KIF2A: variants seen among roughly 807,000 people sequenced by gnomAD.
KIF2A encodes kinesin-like protein KIF2A.
Under a neutral mutation model 100.2 loss-of-function variants are expected in KIF2A, and 22 were observed. The observed-to-expected ratio is 0.22, with a 90% confidence interval of 0.16 to 0.31. The LOEUF is 0.31. Among genes scored for constraint, KIF2A ranks in the 10% least tolerant of loss-of-function variants. The pLI is 1.00. For synonymous variants in KIF2A, 268 were observed against 285.9 expected (o/e 0.94, Z 0.63); for missense variants, 495 against 898.7 (o/e 0.55, Z 5.74).
chr5:62,327,147 C>A (rs1746417051), intron 1 of KIF2A, among the ~76,000 whole-genome samples: 1 of 152,144 alleles, frequency 6.6e-6, no homozygotes, highest in Admixed American at 6.5e-5. Flanking sequence ...ATCTCCTTTG[C>A]TGGTATCTCA....
chr5:62,338,650 T>G (rs1747105646), intron 1 of KIF2A, among the ~76,000 whole-genome samples: 1 of 151,900 alleles, frequency 6.6e-6, no homozygotes. Flanking sequence ...TAGGAAAAAT[T>G]TCATAGCATA....
intron 20 of KIF2A, among the ~76,000 whole-genome samples, chr5:62,384,695 G>T (rs1233115923): frequency 1.3e-5 from 2 of 152,124 alleles, no homozygotes; most frequent in Non-Finnish European, 2.9e-5. Flanking sequence ...GTTTTTACAT[G>T]ACTCTAGAGC....
At chr5:62,337,624 G>T (rs927943329) in intron 1 of KIF2A, among the ~76,000 whole-genome samples, 3 of 152,092 alleles carry the variant, frequency 2.0e-5, no homozygotes, top group Admixed American at 6.5e-5. Flanking sequence ...CTTGAGACCA[G>T]AAGTTAAAGA....
At chr5:62,347,503 C>G (rs1747630414) in intron 2 of KIF2A, among the ~76,000 whole-genome samples, 1 of 152,030 alleles carries the variant, frequency 6.6e-6, no homozygotes, top group Non-Finnish European at 1.5e-5. Context: ...TTATGTGGTT[C>G]TATTGGTCAC....
chr5:62,375,949 A>G (rs940216819), intron 18 of KIF2A, among the ~76,000 whole-genome samples: 1 of 152,102 alleles, frequency 6.6e-6, no homozygotes, highest in Non-Finnish European at 1.5e-5. Flanking sequence ...AAAAACTAAA[A>G]ATGAGATTCT....
At chr5:62,312,269 A>G (rs985861265) in intron 1 of KIF2A, among the ~76,000 whole-genome samples, 1 of 152,222 alleles carries the variant, frequency 6.6e-6, no homozygotes, top group Non-Finnish European at 1.5e-5. Context: ...AACTTGTTTT[A>G]TGTGTCATGA....
Position 62,363,283 on chromosome 5 carries a change from G to A in KIF2A, c.1225G>A (p.Asp409Asn), listed in dbSNP as rs371821790. Residue 409 changes from aspartate to asparagine, a missense_variant, in exon 13 of 21, where the codon GAT (aspartate) becomes AAT (asparagine). Physicochemically the swap from Asp to Asn is conservative, Grantham distance 23. Coordinates refer to ENST00000407818, the MANE Select transcript of KIF2A (RefSeq NM_001098511.3). ...LQEREVKCVE[D>N]VLKLIDIGNS... ...GGAACGGGAGGTCAAATGTGTTGAAGATGTACTGAAACTCATTGACATAGG... is the reference window on the plus strand; with the variant it reads ...GGAACGGGAGGTCAAATGTGTTGAAAATGTACTGAAACTCATTGACATAGG... 1.2e-6 allele frequency: 2 copies of A among 1,613,582 alleles called. No individual in the cohort carries two copies. The highest frequency in any genetic ancestry group is 2.7e-5 in the African/African-American group (2 of 74,934).
chr5:62,322,111 G>A (rs1216173774), intron 1 of KIF2A, among the ~76,000 whole-genome samples: 4 of 151,306 alleles, frequency 2.6e-5, no homozygotes, highest in Non-Finnish European at 5.9e-5. Context: ...GATTGGGGTA[G>A]GGGAGAGACA....
chr5:62,361,708 T>C (rs555376952), intron 11 of KIF2A, among the ~76,000 whole-genome samples, 179 bp downstream of exon 11: 1 of 48,858 alleles, frequency 2.0e-5, no homozygotes, highest in African/African-American at 1.8e-4. Context: ...TTCACAATAA[T>C]TTTTTTTTTT....
intron 9 of KIF2A, among the ~76,000 whole-genome samples, chr5:62,360,867 A>T (rs1437144172): frequency 6.6e-6 from 1 of 152,170 alleles, no homozygotes; most frequent in African/African-American, 2.4e-5. Context: ...TAGATGGTCT[A>T]TAGATAATAT....
At chr5:62,364,671 T>C (rs1740984106) in intron 14 of KIF2A, among the ~76,000 whole-genome samples, 1 of 152,224 alleles carries the variant, frequency 6.6e-6, no homozygotes, top group Non-Finnish European at 1.5e-5. Flanking sequence ...TTTACAGTTA[T>C]CCTACTGCCT....
At chr5:62,364,435 C>T (rs140451359) in intron 14 of KIF2A, among the ~76,000 whole-genome samples, 2,495 of 152,174 alleles carry the variant, frequency 0.016, 60 homozygotes, top group African/African-American at 0.057. Flanking sequence ...CGTGAGCCAC[C>T]GCGCCCGGCC....
At chr5:62,350,014 C>CAT in intron 3 of KIF2A, 52 bp from the exon 4 acceptor site, 1 of 1,160,602 alleles carries the variant, frequency 8.6e-7, no homozygotes, top group Non-Finnish European at 1.2e-6. Flanking sequence ...GATCATGATA[C>CAT]ATATGAGGGA....
chr5:62,376,338 A>G (rs1265063210), intron 18 of KIF2A, among the ~76,000 whole-genome samples: 2 of 152,150 alleles, frequency 1.3e-5, no homozygotes, highest in African/African-American at 4.8e-5. Context: ...TTATTGCTAT[A>G]TTGTCTTAAC....
chr5:62,347,191 A>G lies in KIF2A; in HGVS notation c.126A>G (p.Glu42=). The G allele has an allele frequency of 1.3e-6, 2 of 1,596,392 alleles. No individual in the cohort carries two copies. Among genetic ancestry groups the G allele is most frequent in the Non-Finnish European group, 1.7e-6 (2 of 1,167,916 alleles). ...AAGATAATGAAAGTGTAACTGTTGA[A>G]TGGATAGAAAATGGAGATACAAAAG... ...LNEDNESVTV[E]WIENGDTKGK... Residue 42 remains glutamate, a synonymous_variant, in exon 2 of 21, where the codon GAA becomes GAG. Coordinates refer to ENST00000407818, the MANE Select transcript of KIF2A (RefSeq NM_001098511.3).
intron 1 of KIF2A, among the ~76,000 whole-genome samples, chr5:62,346,510 T>C (rs1467379566): frequency 6.6e-6 from 1 of 151,856 alleles, no homozygotes; most frequent in Non-Finnish European, 1.5e-5. Flanking sequence ...GAGCCCGAGG[T>C]GGGTGGATCA....
Position 62,352,901 on chromosome 5 carries a change from G to A in KIF2A, c.457+191G>A, listed in dbSNP as rs10939938. ...TGGGTTTTTTAAAGTATATTTTGGA[G>A]CAAAAATTTTTTTGTGAAATTATAG... On this transcript the variant is annotated intron_variant, in intron 5 of 20. Coordinates refer to ENST00000407818, the MANE Select transcript of KIF2A (RefSeq NM_001098511.3). 0.1 allele frequency: 48,688 copies of A among 465,760 alleles called. 3,042 individuals carry two copies. The highest frequency in any genetic ancestry group is 0.21 in the East Asian group (5,763 of 27,018). 28.9% of individuals were successfully genotyped at this position (465,760 alleles called of 1,614,324 possible).
Position 62,381,250 on chromosome 5 carries a change from C to T in KIF2A, c.2146C>T (p.Arg716Trp), listed in dbSNP as rs771712968. Residue 716 changes from arginine to tryptophan, a missense_variant, in exon 20 of 21, where the codon CGG (arginine) becomes TGG (tryptophan). Arg to Trp is a moderately radical substitution (Grantham distance 101, BLOSUM62 -3). Around this residue, in one of 10 missense-constraint regions of KIF2A, gnomAD observed 58 missense variants for 94.8 expected, o/e 0.61. Coordinates refer to ENST00000407818, the MANE Select transcript of KIF2A (RefSeq NM_001098511.3). ...EQKIDILTEL[R>W]DKVKSFRAAL... ...AAAAATAGACATTTTAACTGAACTG[C>T]GGGGTAATTCTTTTTCCATTTTAAT... The T allele has an allele frequency of 5.6e-6, 9 of 1,611,266 alleles. No individual in the cohort carries two copies. Among genetic ancestry groups the T allele is most frequent in the African/African-American group, 1.3e-5 (1 of 74,800 alleles).
chr5:62,360,718 A>G (rs2111951867), intron 9 of KIF2A, among the ~76,000 whole-genome samples: 1 of 152,328 alleles, frequency 6.6e-6, no homozygotes, highest in Middle Eastern at 3.4e-3. Flanking sequence ...AAACCATAAT[A>G]TTTAGGTATC....
Sources: allele counts gnomAD v4.1 joint callset (sites outside exome capture counted in the v4.1 genomes callset), GRCh38; gene constraint gnomAD v4.1.1; regional missense constraint gnomAD v4.1.1; transcripts MANE v1.5; gene names NCBI Gene and HGNC (gene_info 2026-07-23, HGNC 2026-07-21).